The following SLC5A6 variants were observed in gnomAD, a reference collection of about 807,000 sequenced individuals.
SLC5A6 encodes sodium-dependent multivitamin transporter.
A neutral mutation model predicts 67.9 loss-of-function variants in SLC5A6; 31 were observed. The observed-to-expected ratio is 0.46, with a 90% CI of 0.34 to 0.62. The LOEUF is 0.62. Ranked by LOEUF, SLC5A6 falls within the 20% of genes least tolerant of loss-of-function variation. The pLI is 0.01. For missense variants in SLC5A6, 673 were observed against 812.8 expected (o/e 0.83, Z 2.09); for synonymous variants, 343 against 331.0 (o/e 1.04, Z -0.39).
intron 6 of SLC5A6, 48 bp downstream of exon 6, chr2:27,205,978 C>A (rs1218996312): frequency 1.4e-6 from 2 of 1,384,872 alleles, no homozygotes; most frequent in South Asian, 2.3e-5. Flanking sequence ...CATGTCCCCT[C>A]CTTACTTCAT....
Position 27,212,213 on chromosome 2 carries a change from A to G in SLC5A6, c.-401T>C. ...AAGAGGGCTAGGGCGCATGAAGACC[A>G]GCGCAGAGCTCCACGAGCAGGAAAA... On this transcript the variant is annotated 5_prime_UTR_variant, in exon 1 of 17. Coordinates refer to ENST00000310574, the MANE Select transcript of SLC5A6 (RefSeq NM_021095.4). The G allele has an allele frequency of 6.4e-7, 1 of 1,557,664 alleles. No individual in the cohort carries two copies.
intron 12 of SLC5A6, 31 bp downstream of exon 12, chr2:27,202,781 TA>T: frequency 6.3e-7 from 1 of 1,586,884 alleles, no homozygotes; most frequent in Non-Finnish European, 8.7e-7. Flanking sequence ...TTCTCTCCCT[TA>T]AAATTGCTTC....
Position 27,203,877 on chromosome 2 carries a change from G to T in SLC5A6, c.1006-10C>A. 1.2e-6 allele frequency: 2 copies of T among 1,610,492 alleles called. No homozygotes were observed. The highest frequency in any genetic ancestry group is 1.7e-6 in the Non-Finnish European group (2 of 1,176,798). On this transcript the variant is annotated splice_polypyrimidine_tract_variant and intron_variant, in intron 9 of 16. Coordinates refer to ENST00000310574, the MANE Select transcript of SLC5A6 (RefSeq NM_021095.4). Reference sequence around the variant, plus strand: ...CAAAGTACAGGACGAACTGCAAGCAGAGCGGAGGTACACAGCAGTCCTCAG... The same window carrying T: ...CAAAGTACAGGACGAACTGCAAGCATAGCGGAGGTACACAGCAGTCCTCAG...
chr2:27,206,816 A>T, intron 4 of SLC5A6, 61 bp downstream of exon 4: 1 of 1,266,288 alleles, frequency 7.9e-7, no homozygotes, highest in South Asian at 1.2e-5. Flanking sequence ...TTCCCTCAGC[A>T]TGCTTGCGTT....
In SLC5A6 at chr2:27,207,208, C is replaced by T; in HGVS notation, c.393+50G>A. On this transcript the variant is annotated intron_variant, in intron 3 of 16. Coordinates refer to ENST00000310574, the MANE Select transcript of SLC5A6 (RefSeq NM_021095.4). This position sits in a 1 kb window ranked among gnomAD's most constrained non-coding sequence, Gnocchi z 5.5. The stretch of plus-strand genomic sequence containing the variant: ...TCCTTCCTATGTGCCTGTCCCTCCT[C>T]TCCACCCCAACCCGTGTCCCACGCA... The T allele has an allele frequency of 2.5e-6, 4 of 1,591,904 alleles. No homozygotes were observed. The highest frequency in any genetic ancestry group is 3.4e-6 in the Non-Finnish European group (4 of 1,166,372).
Position 27,207,447 on chromosome 2 carries a change from G to A in SLC5A6, c.204C>T (p.Cys68=), listed in dbSNP as rs1211749138. The change falls in exon 3 of 17, where the codon TGC becomes TGT. Residue 68 remains cysteine (C), a synonymous_variant. Transcript: ENST00000310574. The surrounding 1 kb of genome is among the most constrained non-coding windows in gnomAD (Gnocchi z 5.5). ...ELLMADRKMG[C]LPVALSLLAT... is the part of the protein sequence containing the mutation. ...CCAGCAGGGACAGTGCCACCGGAAG[G>A]CAGCCCATTTTGCGGTCCGCCATCA... The A allele has an allele frequency of 2.5e-6, 4 of 1,614,098 alleles. No homozygotes were observed. In the Admixed American group the frequency reaches 5.0e-5, roughly 20 times the overall value.
At chr2:27,211,272 G>A (rs749572472) in intron 2 of SLC5A6, among the ~76,000 whole-genome samples, 195 bp downstream of exon 2, 4 of 152,210 alleles carry the variant, frequency 2.6e-5, no homozygotes, top group African/African-American at 4.8e-5. Flanking sequence ...AAACCTTTCA[G>A]GAACTTCCAG....
In SLC5A6 at chr2:27,207,317, T is replaced by G; in HGVS notation, c.334A>C (p.Ile112Leu). The G allele has an allele frequency of 6.2e-7, 1 of 1,614,072 alleles. No individual in the cohort carries two copies. Among genetic ancestry groups the G allele is most frequent in the Non-Finnish European group, 8.5e-7 (1 of 1,180,028 alleles). Residue 112 changes from isoleucine (I) to leucine (L), a missense_variant, in exon 3 of 17, where the codon ATA (isoleucine) becomes CTA (leucine). Coordinates refer to ENST00000310574, the MANE Select transcript of SLC5A6 (RefSeq NM_021095.4). This position sits in a 1 kb window ranked among gnomAD's most constrained non-coding sequence, Gnocchi z 5.5. ...LGCCYFLGLL[I>L]PAHIFIPVFY... ...ACGGGGATGAAGATGTGTGCAGGTA[T>G]CAGCAGCCCCAGAAAGTAGCAGCAG...
chr2:27,201,715 G>A lies in SLC5A6; in HGVS notation c.1495C>T (p.Leu499=). 6.2e-7 allele frequency: 1 copy of A among 1,614,180 alleles called. No individual in the cohort carries two copies. The highest frequency in any genetic ancestry group is 1.3e-5 in the African/African-American group (1 of 75,064). The change falls in exon 14 of 17, where the codon CTA becomes TTA. Residue 499 remains leucine, a synonymous_variant. Transcript: ENST00000310574. The part of the protein sequence containing the change: ...NGSSFSLPTN[L]TVATVTTLMP... ...AGTGTGGTCACAGTGGCAACGGTTA[G>A]ATTGGTGGGCAGGGAGAAGCTGGAC...
chr2:27,206,592 G>A, intron 4 of SLC5A6, 58 bp from the exon 5 acceptor site: 4 of 1,507,614 alleles, frequency 2.7e-6, no homozygotes, highest in Non-Finnish European at 3.7e-6. Context: ...GAGAGAGGAA[G>A]AAAGATGGGC....
intron 16 of SLC5A6, 40 bp from the exon 17 acceptor site, chr2:27,200,619 G>A (rs546545394): frequency 2.4e-5 from 38 of 1,581,060 alleles, no homozygotes; most frequent in African/African-American, 6.8e-5. Flanking sequence ...TGGTGAAGAC[G>A]GATGACGGGT....
At position 27,205,290 on chromosome 2, in the gene SLC5A6, C is replaced by A. The variant is rs1218564115; in HGVS notation, c.734+60G>T. On this transcript the variant is annotated intron_variant, in intron 7 of 16. Transcript: ENST00000310574. ...TGCTTACTATAGCCAAGACCAGCCT[C>A]TAGGATGGGCTCAGCGCCCAGGCAC... 14 of 1,545,766 alleles carry A rather than the reference C, an allele frequency of 9.1e-6. No homozygotes were observed. The Admixed American group carries it at 2.1e-4, about 23-fold the overall frequency.
rs140682068 is a variant in SLC5A6, at chr2:27,201,640, C to G, written c.1544+26G>C. On this transcript the variant is annotated intron_variant, in intron 14 of 16. Transcript: ENST00000310574. ...CCCTCAAAGGAGGGCTTTGAGAAAACAAGAAGATAGCAAGCCCTGCCTTAC... is the reference window on the plus strand; with the variant it reads ...CCCTCAAAGGAGGGCTTTGAGAAAAGAAGAAGATAGCAAGCCCTGCCTTAC... The G allele has an allele frequency of 1.9e-5, 30 of 1,608,118 alleles. 1 individual carries two copies. The East Asian group carries it at 6.0e-4, about 32-fold the overall frequency.
In SLC5A6 at chr2:27,201,012, T is replaced by G. The variant is rs1034924313; in HGVS notation, c.1750A>C (p.Arg584=). The G allele has an allele frequency of 3.1e-6, 5 of 1,611,440 alleles. No individual in the cohort carries two copies. The highest frequency in any genetic ancestry group is 4.2e-6 in the Non-Finnish European group (5 of 1,177,990). ...PLSCQKRLHC[R]SYGQDHLDTG... ...GCAGGTACTACCTGGCCGTAGCTCC[T>G]GCAGTGGAGCCGCTTCTGACAGGAC... Residue 584 remains arginine (R), a synonymous_variant, in exon 16 of 17, where the codon AGG becomes CGG. Coordinates refer to ENST00000310574, the MANE Select transcript of SLC5A6 (RefSeq NM_021095.4).
At position 27,205,415 on chromosome 2, in the gene SLC5A6, G is replaced by A; in HGVS notation, c.669C>T (p.Ala223=). 6.2e-7 allele frequency: 1 copy of A among 1,614,096 alleles called. No homozygotes were observed. The highest frequency in any genetic ancestry group is 8.5e-7 in the Non-Finnish European group (1 of 1,179,976). Residue 223 remains alanine (A), a synonymous_variant, in exon 7 of 17, where the codon GCC becomes GCT. Transcript: ENST00000310574. ...ACACACGCCCCAAGCCGCCCACCTT[G>A]GCTGACCCCACAATGATAACTGCCA... ...GQLAVIIVGS[A]KVGGLGRVWA...
At chr2:27,206,733 C>T in intron 4 of SLC5A6, 144 bp downstream of exon 4, 1 of 871,702 alleles carries the variant, frequency 1.1e-6, no homozygotes, top group South Asian at 1.4e-5. Context: ...CAGGATGCCT[C>T]TGGGGTCCTC....
At chr2:27,202,734 T>C in intron 12 of SLC5A6, 79 bp downstream of exon 12, 7 of 1,242,506 alleles carry the variant, frequency 5.6e-6, no homozygotes, top group Non-Finnish European at 7.1e-6. Flanking sequence ...CCCCTCAATA[T>C]AGCTGCCCTT....
At chr2:27,200,935 C>G in intron 16 of SLC5A6, 63 bp downstream of exon 16, 1 of 1,097,536 alleles carries the variant, frequency 9.1e-7, no homozygotes, top group Non-Finnish European at 1.4e-6. Flanking sequence ...AGAAGGGAAC[C>G]TGAAGAGTCA....
chr2:27,212,701 T>G (rs1327683003), upstream of SLC5A6: 8 of 1,301,094 alleles, frequency 6.1e-6, no homozygotes, highest in Non-Finnish European at 8.0e-6. Context: ...GCCCCTTAAT[T>G]TTAGAATAAC....
Sources: allele counts gnomAD v4.1 joint callset (sites outside exome capture counted in the v4.1 genomes callset), GRCh38; gene constraint gnomAD v4.1.1; non-coding constraint Gnocchi (gnomAD v3.1); transcripts MANE v1.5; gene names NCBI Gene and HGNC (gene_info 2026-07-23, HGNC 2026-07-21).